PCED1B: variants seen among roughly 807,000 people sequenced by gnomAD.
The protein encoded by PCED1B is PC-esterase domain-containing protein 1B.
For missense variants in PCED1B, 573 were observed against 573.9 expected, an observed-to-expected ratio of 1.00 and a Z score of 0.02; for synonymous variants, 251 against 246.1, an observed-to-expected ratio of 1.02 and a Z score of -0.19.
chr12:47,100,995 G>A (rs11183732), intron 1 of PCED1B, among the ~76,000 whole-genome samples: 2,068 of 152,160 alleles, frequency 0.014, 10 homozygotes, highest in Non-Finnish European at 0.021. Context: ...ACTTGAACCC[G>A]GGAGGTGGAG....
chr12:47,225,816 G>T (rs1429816554), intron 3 of PCED1B, among the ~76,000 whole-genome samples: 1 of 152,098 alleles, frequency 6.6e-6, no homozygotes, highest in East Asian at 1.9e-4. Flanking sequence ...TATCTCTGTG[G>T]TTTAAAACTT....
chr12:47,117,586 C>G (rs1348984739), intron 2 of PCED1B, among the ~76,000 whole-genome samples: 2 of 152,150 alleles, frequency 1.3e-5, no homozygotes, highest in African/African-American at 4.8e-5. Context: ...TTTTCTTAAT[C>G]CAGTCTATCA....
At chr12:47,162,223 G>T (rs1941408270) in intron 2 of PCED1B, among the ~76,000 whole-genome samples, 1 of 151,602 alleles carries the variant, frequency 6.6e-6, no homozygotes, top group Non-Finnish European at 1.5e-5. Context: ...TAACAAACCT[G>T]CACATTGTGC....
At chr12:47,085,534 G>C (rs1361607648) in intron 1 of PCED1B, among the ~76,000 whole-genome samples, 1 of 152,144 alleles carries the variant, frequency 6.6e-6, no homozygotes, top group Admixed American at 6.5e-5. Flanking sequence ...AAATAAATTC[G>C]GGTACATCCA....
intron 2 of PCED1B, among the ~76,000 whole-genome samples, chr12:47,142,474 C>G (rs1323036712): frequency 6.6e-6 from 1 of 152,000 alleles, no homozygotes; most frequent in African/African-American, 2.4e-5. Context: ...AACCAACCCC[C>G]AAGAATTGGA....
At chr12:47,086,153 C>T (rs1444303461) in intron 1 of PCED1B, among the ~76,000 whole-genome samples, 2 of 152,040 alleles carry the variant, frequency 1.3e-5, no homozygotes, top group Admixed American at 1.3e-4. Flanking sequence ...TCCATATTCT[C>T]AGCGTTCAGG....
At position 47,235,776 on chromosome 12, in the gene PCED1B, G is replaced by A. The variant is rs200395874; in HGVS notation, c.713G>A (p.Arg238His). The A allele has an allele frequency of 1.8e-5, 28 of 1,586,694 alleles. No homozygotes were observed. The highest frequency in any genetic ancestry group is 2.1e-5 in the Non-Finnish European group (24 of 1,167,086). ...DGVHWNGRVH[R>H]CLSQLLLAHV... is the part of the protein sequence containing the mutation. Reference sequence around the variant, plus strand: ...GTGCACTGGAATGGACGTGTGCACCGCTGCCTCTCCCAGCTGCTGCTGGCC... The same window carrying A: ...GTGCACTGGAATGGACGTGTGCACCACTGCCTCTCCCAGCTGCTGCTGGCC... The change falls in exon 4 of 4, where the codon CGC (arginine) becomes CAC (histidine). Residue 238 changes from arginine to histidine, a missense_variant. Arg to His is a conservative substitution (Grantham distance 29, BLOSUM62 0). Coordinates refer to ENST00000546455, the MANE Select transcript of PCED1B (RefSeq NM_138371.3).
chr12:47,218,743 C>T (rs1943382123), intron 3 of PCED1B, among the ~76,000 whole-genome samples: 1 of 149,840 alleles, frequency 6.7e-6, no homozygotes, highest in Admixed American at 6.7e-5. Context: ...TGGTCTCAAG[C>T]AATCGTCCCT....
Position 47,236,450 on chromosome 12 carries a change from C to T in PCED1B, c.*88C>T. 7.6e-7 allele frequency: 1 copy of T among 1,312,208 alleles called. No homozygotes were observed. Among genetic ancestry groups the T allele is most frequent in the South Asian group, 1.6e-5 (1 of 61,522 alleles). 81.3% of individuals were successfully genotyped at this position (1,312,208 alleles called of 1,614,324 possible). A position where few individuals can be genotyped will look rare whatever the true frequency, so the allele number is the denominator to read the frequency against. On this transcript the variant is annotated 3_prime_UTR_variant, in exon 4 of 4. Transcript: ENST00000546455. ...CATTGCTTGGCCTGAACAGACTGAC[C>T]TTGTTAACTTAAGCCTGGAGTCCAT...
At chr12:47,226,452 C>A (rs942060359) in intron 3 of PCED1B, among the ~76,000 whole-genome samples, 2 of 152,154 alleles carry the variant, frequency 1.3e-5, no homozygotes, top group African/African-American at 4.8e-5. Flanking sequence ...CGGCTCACTG[C>A]AACCTCCGCC....
chr12:47,182,632 C>T (rs938818977), intron 2 of PCED1B, among the ~76,000 whole-genome samples: 2 of 151,900 alleles, frequency 1.3e-5, no homozygotes, highest in Non-Finnish European at 2.9e-5. Flanking sequence ...ATGTTGAGTG[C>T]TTTATACCTA....
chr12:47,220,902 C>A (rs1194424160), intron 3 of PCED1B, among the ~76,000 whole-genome samples: 1 of 152,080 alleles, frequency 6.6e-6, no homozygotes, highest in Non-Finnish European at 1.5e-5. Context: ...GTCACAGAGA[C>A]AAACATAAAG....
intron 2 of PCED1B, among the ~76,000 whole-genome samples, chr12:47,163,751 A>G (rs1451035022): frequency 1.3e-5 from 2 of 152,166 alleles, no homozygotes; most frequent in Non-Finnish European, 2.9e-5. Context: ...GTTTATAAAG[A>G]AAAGAGATTT....
intron 2 of PCED1B, among the ~76,000 whole-genome samples, chr12:47,181,392 G>T: frequency 6.8e-6 from 1 of 147,092 alleles, no homozygotes; most frequent in African/African-American, 2.5e-5. Flanking sequence ...TTTTTGAGAT[G>T]GATTTTCACT....
intron 2 of PCED1B, among the ~76,000 whole-genome samples, chr12:47,190,258 G>A (rs959498899): frequency 6.6e-6 from 1 of 152,186 alleles, no homozygotes; most frequent in Non-Finnish European, 1.5e-5. Context: ...GTGCTGGTTG[G>A]TTCATAAATG....
chr12:47,219,272 G>A (rs865847497), intron 3 of PCED1B, among the ~76,000 whole-genome samples: 24 of 152,126 alleles, frequency 1.6e-4, no homozygotes, highest in African/African-American at 5.6e-4. Flanking sequence ...ACTCTTTTGG[G>A]TAATCCCTTC....
At chr12:47,233,687 G>A (rs1269181566) in intron 3 of PCED1B, among the ~76,000 whole-genome samples, 1 of 152,176 alleles carries the variant, frequency 6.6e-6, no homozygotes, top group Admixed American at 6.5e-5. Flanking sequence ...TGGGGGAAGG[G>A]TGTTTACCTT....
intron 2 of PCED1B, among the ~76,000 whole-genome samples, chr12:47,118,324 G>A (rs1022005289): frequency 6.6e-6 from 1 of 152,188 alleles, no homozygotes; most frequent in African/African-American, 2.4e-5. Flanking sequence ...ATGGTTATAA[G>A]TCTAACATGT....
At chr12:47,201,809 A>G (rs1231968818) in intron 2 of PCED1B, among the ~76,000 whole-genome samples, 1 of 152,136 alleles carries the variant, frequency 6.6e-6, no homozygotes, top group African/African-American at 2.4e-5. Context: ...CATGTTGCCC[A>G]GGCTGGTCTT....
Sources: gnomAD v4.1 joint callset for allele counts (sites outside exome capture counted in the v4.1 genomes callset) on GRCh38, gnomAD v4.1.1 for gene constraint, MANE v1.5 for transcripts, NCBI Gene and HGNC (gene_info 2026-07-23, HGNC 2026-07-21) for gene names.